Variants in CNBD1 observed in about 807,000 individuals in gnomAD.
CNBD1 encodes cyclic nucleotide-binding domain-containing protein 1.
CNBD1 carries 71 observed loss-of-function variants against 54.4 expected under a neutral mutation model. The ratio of observed to expected loss-of-function variants is 1.30; its 90% CI spans 1.08 to 1.59. CNBD1 has a LOEUF of 1.59. Among genes scored for constraint, CNBD1 ranks in the 40% most tolerant of loss-of-function variants. The probability of loss-of-function intolerance (pLI) is 0.00; values close to 1 mark genes in which losing one functional copy is unlikely to be tolerated. For missense variants in CNBD1, 659 were observed against 518.0 expected (o/e 1.27, Z -2.64); for synonymous variants, 182 against 170.7 (o/e 1.07, Z -0.51).
At chr8:87,391,269 AG>A (rs1251643832) in intron 2 of CNBD1, among the ~76,000 whole-genome samples, 1 of 152,054 alleles carries the variant, frequency 6.6e-6, no homozygotes, top group East Asian at 1.9e-4. Flanking sequence ...AATAAAAAAA[AG>A]ATAACGATTG....
chr8:86,954,787 T>G (rs1258398713), intron 4 of CNBD1, among the ~76,000 whole-genome samples: 1 of 152,194 alleles, frequency 6.6e-6, no homozygotes, highest in Non-Finnish European at 1.5e-5. Flanking sequence ...ATGGCATATG[T>G]CCCCAGGCCT....
intron 6 of CNBD1, among the ~76,000 whole-genome samples, chr8:87,246,716 C>A (rs1403757026): frequency 1.3e-5 from 2 of 152,010 alleles, no homozygotes; most frequent in African/African-American, 4.8e-5. Flanking sequence ...CTCTTCCAGG[C>A]ATGGGAGAGC....
rs144058465 is a variant in CNBD1, at chr8:87,402,447, G to C, written c.214-26099G>C. 2.6e-3 allele frequency among the ~76,000 whole-genome samples: 400 copies of C among 152,154 alleles called. 3 individuals are homozygous for C. The highest frequency in any genetic ancestry group is 9.1e-3 in the African/African-American group (376 of 41,536). ...AATGTACATCAATTAATTTCCATTT[G>C]AGGCATAAATATTAATAATTTGGGT... On this transcript the variant is annotated intron_variant, in intron 2 of 7. Coordinates refer to the CNBD1 transcript ENST00000521593.
intron 6 of CNBD1, among the ~76,000 whole-genome samples, chr8:87,247,669 C>T (rs1460766655): frequency 6.6e-6 from 1 of 152,080 alleles, no homozygotes; most frequent in Admixed American, 6.6e-5. Flanking sequence ...AACTCAAAAA[C>T]TCTGGCCAGT....
intron 4 of CNBD1, among the ~76,000 whole-genome samples, chr8:87,143,337 G>C (rs1179077379): frequency 2.0e-5 from 3 of 152,092 alleles, no homozygotes; most frequent in Non-Finnish European, 1.5e-5. Flanking sequence ...TGAATGTAGT[G>C]AGCTTTTCAA....
At chr8:87,218,576 G>A (rs1472882357) in intron 5 of CNBD1, among the ~76,000 whole-genome samples, 1 of 151,958 alleles carries the variant, frequency 6.6e-6, no homozygotes, top group Non-Finnish European at 1.5e-5. Flanking sequence ...ATACTAAAGT[G>A]TAAACTTTTG....
chr8:87,160,326 T>C (rs994147537), intron 4 of CNBD1, among the ~76,000 whole-genome samples: 1 of 151,978 alleles, frequency 6.6e-6, no homozygotes, highest in Non-Finnish European at 1.5e-5. Context: ...TAATAAAGCT[T>C]TTATCTGCTT....
chr8:86,951,173 AG>A (rs1371872842), intron 4 of CNBD1, among the ~76,000 whole-genome samples: 2 of 152,236 alleles, frequency 1.3e-5, no homozygotes, highest in Non-Finnish European at 2.9e-5. Flanking sequence ...TTAAGCTAAA[AG>A]AAAAATTATT....
At chr8:87,402,020 G>T (rs1807574970) in intron 2 of CNBD1, among the ~76,000 whole-genome samples, 1 of 151,896 alleles carries the variant, frequency 6.6e-6, no homozygotes, top group African/African-American at 2.4e-5. Flanking sequence ...AATCCATAAA[G>T]AAAAAGAGGT....
chr8:87,424,414 G>T (rs1808006130), intron 2 of CNBD1, among the ~76,000 whole-genome samples: 1 of 152,104 alleles, frequency 6.6e-6, no homozygotes, highest in Non-Finnish European at 1.5e-5. Flanking sequence ...TGGGCATTTA[G>T]TGCTATAAGT....
At chr8:87,296,872 T>C (rs1024100092) in intron 8 of CNBD1, among the ~76,000 whole-genome samples, 1 of 152,012 alleles carries the variant, frequency 6.6e-6, no homozygotes, top group African/African-American at 2.4e-5. Context: ...TTCTAGCACA[T>C]ACATTTAAAA....
chr8:87,427,234 T>C (rs1808066324), intron 2 of CNBD1, among the ~76,000 whole-genome samples: 1 of 152,092 alleles, frequency 6.6e-6, no homozygotes, highest in African/African-American at 2.4e-5. Flanking sequence ...CATACATCTT[T>C]TGTATGTTAG....
intron 4 of CNBD1, among the ~76,000 whole-genome samples, chr8:87,038,482 G>T (rs1809997224): frequency 6.6e-6 from 1 of 152,072 alleles, no homozygotes; most frequent in South Asian, 2.1e-4. Flanking sequence ...ATAACTGGTG[G>T]GTCTGGGTGA....
chr8:87,181,236 T>C (rs1813304896), intron 4 of CNBD1, among the ~76,000 whole-genome samples: 1 of 152,212 alleles, frequency 6.6e-6, no homozygotes, highest in South Asian at 2.1e-4. Flanking sequence ...TCTTAAGTTA[T>C]GAATACACAA....
chr8:87,391,063 G>A (rs999170290), intron 2 of CNBD1, among the ~76,000 whole-genome samples: 4 of 151,856 alleles, frequency 2.6e-5, no homozygotes, highest in Non-Finnish European at 5.9e-5. Flanking sequence ...GACACAGGAA[G>A]GGGAACATCA....
chr8:87,105,239 T>C (rs1481759826), intron 4 of CNBD1, among the ~76,000 whole-genome samples: 1 of 152,234 alleles, frequency 6.6e-6, no homozygotes, highest in Non-Finnish European at 1.5e-5. Context: ...AAGTAATTAA[T>C]ACACTTCTTT....
chr8:87,402,193 C>T (rs956530675), intron 2 of CNBD1, among the ~76,000 whole-genome samples: 25 of 151,798 alleles, frequency 1.6e-4, no homozygotes, highest in Admixed American at 1.2e-3. Flanking sequence ...TTCACTGTCA[C>T]GAGAATATCA....
chr8:87,423,894 G>T (rs185457324), intron 2 of CNBD1, among the ~76,000 whole-genome samples: 5 of 152,272 alleles, frequency 3.3e-5, no homozygotes, highest in African/African-American at 7.2e-5. Flanking sequence ...TGGCTGTGAA[G>T]CCATCTAGTC....
Position 87,030,082 on chromosome 8 carries a change from A to G in CNBD1, c.431+90328A>G, listed in dbSNP as rs757402581. ...TTTTCAAAATTATTGTAATCACACA[A>G]CAGAAATGATTAGTAAAGATAAACA... is the stretch of plus-strand genomic sequence containing the variant. On this transcript the variant is annotated intron_variant, in intron 4 of 10. Transcript: ENST00000518476. 1.6e-3 allele frequency among the ~76,000 whole-genome samples: 239 copies of G among 152,244 alleles called. 1 individual carries two copies. Among genetic ancestry groups the G allele is most frequent in the Non-Finnish European group, 2.3e-3 (157 of 68,030 alleles).
Sources: gnomAD v4.1 joint callset for allele counts (sites outside exome capture counted in the v4.1 genomes callset) on GRCh38, gnomAD v4.1.1 for gene constraint, MANE v1.5 for transcripts, NCBI Gene and HGNC (gene_info 2026-07-23, HGNC 2026-07-21) for gene names.